ERCC8: variants seen among roughly 807,000 people sequenced by gnomAD.
The protein encoded by ERCC8 is ERCC excision repair 8, CSA ubiquitin ligase complex subunit.
Under a neutral mutation model 54.9 loss-of-function variants are expected in ERCC8, and 52 were observed. The ratio of observed to expected loss-of-function variants is 0.95; its 90% confidence interval spans 0.76 to 1.19. The LOEUF (loss-of-function observed/expected upper bound fraction) is 1.19, where lower values mean the gene tolerates loss of function less well. Ranked by LOEUF, ERCC8 falls within the 50% of genes most tolerant of loss-of-function variation. The probability of loss-of-function intolerance (pLI) is 0.00; values close to 1 mark genes in which losing one functional copy is unlikely to be tolerated. For missense variants in ERCC8, 514 were observed against 466.1 expected (o/e 1.10, Z -0.95); for synonymous variants, 146 against 157.2 (o/e 0.93, Z 0.53).
At chr5:60,879,075 G>GTC (rs1030301096) in intron 11 of ERCC8, among the ~76,000 whole-genome samples, 15 of 151,886 alleles carry the variant, frequency 9.9e-5, no homozygotes, top group African/African-American at 2.9e-4. Flanking sequence ...TGTGTCTTTG[G>GTC]TCTCGTTGGT....
intron 2 of ERCC8, among the ~76,000 whole-genome samples, chr5:60,923,449 C>T (rs1230537514): frequency 6.6e-6 from 1 of 151,890 alleles, no homozygotes; most frequent in East Asian, 1.9e-4. Flanking sequence ...TAAAAATCAT[C>T]TTTAAATCTG....
chr5:60,868,692 A>C lies in ERCC8; in HGVS notation c.*5923T>G, dbSNP rs1488574593. On this transcript the variant is annotated 3_prime_UTR_variant, in exon 12 of 12. Transcript: ENST00000676185. ...TAAATGATTTGTAATAATTCTAAGC[A>C]CCCAGGAGGTTTACAACAGTGATTC... Among the ~76,000 whole-genome samples, 2 of 152,202 alleles carry C rather than the reference A, an allele frequency of 1.3e-5. No homozygotes were observed. Among genetic ancestry groups the C allele is most frequent in the African/African-American group, 2.4e-5 (1 of 41,458 alleles).
intron 11 of ERCC8, among the ~76,000 whole-genome samples, chr5:60,880,507 A>T (rs11957440): frequency 2.6e-5 from 4 of 151,424 alleles, no homozygotes; most frequent in South Asian, 2.1e-4. Flanking sequence ...TACACCAATC[A>T]GATGTAGATT....
chr5:60,877,330 T>C (rs1222592415), intron 11 of ERCC8, among the ~76,000 whole-genome samples: 2 of 152,216 alleles, frequency 1.3e-5, no homozygotes, highest in African/African-American at 4.8e-5. Flanking sequence ...TCCAGCTTTG[T>C]TCTTTTGGCT....
intron 4 of ERCC8, 54 bp downstream of exon 4, chr5:60,918,211 A>T: frequency 7.2e-7 from 1 of 1,388,556 alleles, no homozygotes; most frequent in Non-Finnish European, 1.0e-6. Context: ...ATGGTTTAGG[A>T]TTAAATTCTC....
intron 4 of ERCC8, among the ~76,000 whole-genome samples, chr5:60,916,680 C>CA (rs931175412): frequency 6.6e-6 from 1 of 151,516 alleles, no homozygotes; most frequent in African/African-American, 2.4e-5. Context: ...GTAGCAAGGT[C>CA]AAAAAAACAC....
In ERCC8 at chr5:60,898,273, T is replaced by C; in HGVS notation, c.843+3A>G. On this transcript the variant is annotated splice_donor_region_variant and intron_variant, in intron 9 of 11. Coordinates refer to ENST00000676185, the MANE Select transcript of ERCC8 (RefSeq NM_000082.4). ...CCCAAATATATACTTAAAAATCTCT[T>C]ACAAGTGTGTTTTCTCCATTGGAAC... The C allele has an allele frequency of 6.2e-7, 1 of 1,613,288 alleles. No homozygotes were observed. Among genetic ancestry groups the C allele is most frequent in the Non-Finnish European group, 8.5e-7 (1 of 1,179,402 alleles).
chr5:60,882,169 C>T lies in ERCC8; in HGVS notation c.1122+5271G>A, dbSNP rs1019420491. 5.1e-4 allele frequency among the ~76,000 whole-genome samples: 77 copies of T among 152,046 alleles called. 1 individual carries two copies. Among genetic ancestry groups the T allele is most frequent in the Non-Finnish European group, 9.9e-4 (67 of 67,954 alleles). The stretch of plus-strand genomic sequence containing the variant: ...AAACATTTTTTAATGGTAACCCCTA[C>T]TGCATGTCTGAGAATGTTCATTTTC... On this transcript the variant is annotated intron_variant, in intron 11 of 11. Transcript: ENST00000676185.
chr5:60,875,170 A>T (rs1293444490), intron 11 of ERCC8, among the ~76,000 whole-genome samples: 1 of 152,242 alleles, frequency 6.6e-6, no homozygotes, highest in African/African-American at 2.4e-5. Context: ...AGAATAAGGT[A>T]TTCAAGCTGA....
chr5:60,898,435 T>C (rs780809500), intron 8 of ERCC8, 35 bp from the exon 9 acceptor site: 26 of 1,611,372 alleles, frequency 1.6e-5, no homozygotes, highest in Admixed American at 1.0e-4. Context: ...TTATCTGTTC[T>C]TGTATTCAGG....
At chr5:60,892,161 C>A in intron 9 of ERCC8, 1 of 516,468 alleles carries the variant, frequency 1.9e-6, no homozygotes, top group Non-Finnish European at 3.9e-6. Context: ...GGGTGGTGGT[C>A]TACATTGAGT....
intron 2 of ERCC8, among the ~76,000 whole-genome samples, chr5:60,927,531 A>T (rs1749782909): frequency 6.6e-6 from 1 of 152,214 alleles, no homozygotes; most frequent in Non-Finnish European, 1.5e-5. Context: ...AATATATTTC[A>T]TGCACATATA....
chr5:60,892,745 A>G (rs556772110), intron 9 of ERCC8: 30 of 695,674 alleles, frequency 4.3e-5, no homozygotes, highest in African/African-American at 3.9e-4. Context: ...TGGGCCCTGG[A>G]ACAATGGCTG....
intron 1 of ERCC8, among the ~76,000 whole-genome samples, chr5:60,944,498 T>C (rs1402718738): frequency 1.3e-5 from 2 of 152,260 alleles, no homozygotes; most frequent in Non-Finnish European, 2.9e-5. Context: ...CTAGTCATTC[T>C]GAACTTTGTT....
intron 7 of ERCC8, 76 bp downstream of exon 7, chr5:60,902,366 A>G: frequency 9.4e-7 from 1 of 1,064,698 alleles, no homozygotes; most frequent in Non-Finnish European, 1.4e-6. Context: ...TAAAATATAT[A>G]CATTACATAA....
chr5:60,886,442 G>A (rs894469128), intron 11 of ERCC8, among the ~76,000 whole-genome samples: 5 of 152,138 alleles, frequency 3.3e-5, no homozygotes, highest in East Asian at 1.9e-4. Flanking sequence ...TGGCTCATGC[G>A]TGTAATCCCA....
At chr5:60,882,970 A>AACACACACACACACACACAC (rs10550173) in intron 11 of ERCC8, among the ~76,000 whole-genome samples, 44 of 144,736 alleles carry the variant, frequency 3.0e-4, no homozygotes, top group African/African-American at 1.1e-3. Flanking sequence ...GCCCTGGGAA[A>AACACACACACACACACACAC]ACACACACAC....
intron 11 of ERCC8, among the ~76,000 whole-genome samples, chr5:60,879,886 G>C (rs1373126343): frequency 6.6e-6 from 1 of 152,194 alleles, no homozygotes; most frequent in Non-Finnish European, 1.5e-5. Flanking sequence ...ATATTGTTAT[G>C]TGTGAATTTG....
At chr5:60,888,343 T>C (rs1377215942) in intron 10 of ERCC8, among the ~76,000 whole-genome samples, 10 of 152,188 alleles carry the variant, frequency 6.6e-5, no homozygotes, top group African/African-American at 2.4e-4. Flanking sequence ...AAAATTTTGT[T>C]GACTGTATTA....
Sources: allele counts gnomAD v4.1 joint callset (sites outside exome capture counted in the v4.1 genomes callset), GRCh38; gene constraint gnomAD v4.1.1; transcripts MANE v1.5; gene names NCBI Gene and HGNC (gene_info 2026-07-23, HGNC 2026-07-21).